The following RAD51B variants were observed in gnomAD, a reference collection of about 807,000 sequenced individuals.
RAD51B encodes the protein RAD51 paralog B.
In RAD51B, 38 loss-of-function variants were observed where a neutral mutation model predicts 42.2. That is an observed-to-expected ratio of 0.90 (90% CI 0.70 to 1.18). The LOEUF is 1.18. Among genes scored for constraint, RAD51B ranks in the 50% most tolerant of loss-of-function variants. The pLI, the probability that RAD51B is intolerant of heterozygous loss-of-function variation, is 0.00. For synonymous variants in RAD51B, 154 were observed against 145.2 expected (o/e 1.06, Z -0.43); for missense variants, 373 against 400.7 (o/e 0.93, Z 0.59).
At chr14:68,494,354 T>C (rs1884334073) in intron 10 of RAD51B, among the ~76,000 whole-genome samples, 1 of 151,596 alleles carries the variant, frequency 6.6e-6, no homozygotes, top group African/African-American at 2.4e-5. Context: ...AGTTCTTCGG[T>C]TTTGTGACTA....
intron 9 of RAD51B, among the ~76,000 whole-genome samples, chr14:68,414,846 A>AC (rs1384331718): frequency 2.2e-5 from 3 of 138,180 alleles, no homozygotes; most frequent in Admixed American, 7.3e-5. Flanking sequence ...ACATGGTAAA[A>AC]CCCCATCTCT....
chr14:68,534,218 G>A (rs1887479421), intron 10 of RAD51B, among the ~76,000 whole-genome samples: 3 of 152,214 alleles, frequency 2.0e-5, no homozygotes, highest in African/African-American at 2.4e-5. Context: ...CCATTTTAAT[G>A]TAGCTGAAGA....
intron 9 of RAD51B, among the ~76,000 whole-genome samples, chr14:68,437,990 A>G (rs1001620969): frequency 6.6e-6 from 1 of 152,160 alleles, no homozygotes; most frequent in African/African-American, 2.4e-5. Context: ...CTTTAGTGCT[A>G]CAGGGGAGCA....
chr14:67,865,241 C>CTT (rs1269999800), intron 5 of RAD51B, 102 bp downstream of exon 5: 2,026 of 871,364 alleles, frequency 2.3e-3, no homozygotes, highest in South Asian at 3.0e-3. Flanking sequence ...TCCCCCTTGC[C>CTT]TTTTTTTTTT....
At chr14:67,939,965 T>TTA (rs1404085540) in intron 7 of RAD51B, among the ~76,000 whole-genome samples, 100 of 128,604 alleles carry the variant, frequency 7.8e-4, no homozygotes, top group Admixed American at 1.5e-3. Flanking sequence ...ATAACATACA[T>TTA]TATATATATA....
chr14:68,458,071 C>T (rs1489920776), intron 9 of RAD51B, among the ~76,000 whole-genome samples: 1 of 151,816 alleles, frequency 6.6e-6, no homozygotes, highest in East Asian at 1.9e-4. Flanking sequence ...TTGCAATTTA[C>T]TTTGAAATGT....
intron 7 of RAD51B, among the ~76,000 whole-genome samples, chr14:67,892,286 A>G (rs1156098): frequency 6.6e-6 from 1 of 152,198 alleles, no homozygotes; most frequent in African/African-American, 2.4e-5. Flanking sequence ...ATTCTAGAAA[A>G]AGTGTATCTT....
At chr14:68,290,244 T>C (rs1428821408) in intron 7 of RAD51B, among the ~76,000 whole-genome samples, 2 of 152,248 alleles carry the variant, frequency 1.3e-5, no homozygotes, top group Non-Finnish European at 2.9e-5. Flanking sequence ...TTCCAAGCAC[T>C]GAATTGTGCA....
At chr14:68,294,595 T>G (rs2081577783) in intron 8 of RAD51B, among the ~76,000 whole-genome samples, 1 of 152,214 alleles carries the variant, frequency 6.6e-6, no homozygotes, top group African/African-American at 2.4e-5. Flanking sequence ...TTTCTTCTGT[T>G]ACATGACAGG....
At chr14:67,898,761 A>G (rs188998148) in intron 7 of RAD51B, among the ~76,000 whole-genome samples, 10 of 152,346 alleles carry the variant, frequency 6.6e-5, no homozygotes, top group African/African-American at 2.2e-4. Context: ...CCTAGTTAGA[A>G]TGTTTTCCCT....
At chr14:68,404,288 T>A (rs991916626) in intron 8 of RAD51B, among the ~76,000 whole-genome samples, 2 of 151,968 alleles carry the variant, frequency 1.3e-5, no homozygotes, top group African/African-American at 4.8e-5. Context: ...AGAGAGGGAG[T>A]GAGCACCTCA....
At chr14:68,396,327 A>T (rs2083921873) in intron 8 of RAD51B, among the ~76,000 whole-genome samples, 1 of 152,240 alleles carries the variant, frequency 6.6e-6, no homozygotes, top group African/African-American at 2.4e-5. Flanking sequence ...ATTACAGATG[A>T]AAACATGGGC....
chr14:68,616,069 A>C (rs925833307), downstream of RAD51B, among the ~76,000 whole-genome samples: 7 of 152,004 alleles, frequency 4.6e-5, no homozygotes, highest in Admixed American at 6.6e-5. Context: ...TTTTAGCTAC[A>C]TGCTCTTGTC....
chr14:68,674,104 C>T (rs1893251016), intron 11 of RAD51B, among the ~76,000 whole-genome samples: 1 of 152,042 alleles, frequency 6.6e-6, no homozygotes, highest in African/African-American at 2.4e-5. Context: ...CGCACACTTG[C>T]ATATATATAC....
intron 7 of RAD51B, among the ~76,000 whole-genome samples, chr14:67,941,933 A>C (rs1488984434): frequency 1.3e-5 from 2 of 152,240 alleles, no homozygotes; most frequent in Non-Finnish European, 2.9e-5. Flanking sequence ...TTTGCACTTG[A>C]ATAAAAGAAA....
chr14:68,674,471 A>C (rs1893263052), intron 11 of RAD51B, among the ~76,000 whole-genome samples: 2 of 151,818 alleles, frequency 1.3e-5, no homozygotes, highest in Non-Finnish European at 2.9e-5. Flanking sequence ...AGGTATATAG[A>C]AGTCTTTTTA....
chr14:68,639,769 G>T (rs531020282), intron 10 of RAD51B, among the ~76,000 whole-genome samples: 12 of 151,748 alleles, frequency 7.9e-5, no homozygotes, highest in African/African-American at 1.4e-4. Context: ...GTTTTGTTTT[G>T]TTTTTTTTGT....
intron 10 of RAD51B, among the ~76,000 whole-genome samples, chr14:68,520,573 G>C (rs1480615625): frequency 1.3e-5 from 2 of 152,130 alleles, no homozygotes; most frequent in Non-Finnish European, 2.9e-5. Flanking sequence ...AAACCAAATA[G>C]CTCCTCAGGA....
At chr14:68,230,791 T>C (rs866585810) in intron 7 of RAD51B, among the ~76,000 whole-genome samples, 15 of 152,348 alleles carry the variant, frequency 9.8e-5, no homozygotes, top group African/African-American at 1.2e-4. Context: ...TTCCCAAGTA[T>C]TTTTAAAATG....
Sources: allele counts gnomAD v4.1 joint callset (sites outside exome capture counted in the v4.1 genomes callset), GRCh38; gene constraint gnomAD v4.1.1; transcripts MANE v1.5; gene names NCBI Gene and HGNC (gene_info 2026-07-23, HGNC 2026-07-21).